Variants in CNTNAP5 observed in about 807,000 individuals in gnomAD.
CNTNAP5 encodes contactin associated protein family member 5.
CNTNAP5 carries 72 observed loss-of-function variants against 150.2 expected under a neutral mutation model. The ratio of observed to expected loss-of-function variants is 0.48; its 90% CI spans 0.40 to 0.58. The LOEUF is 0.58. Ranked by LOEUF, CNTNAP5 falls within the 20% of genes least tolerant of loss-of-function variation. The pLI is 0.00. For synonymous variants in CNTNAP5, 672 were observed against 619.8 expected, an observed-to-expected ratio of 1.08 and a Z score of -1.25; for missense variants, 1,636 against 1,626.2, an observed-to-expected ratio of 1.01 and a Z score of -0.10.
intron 11 of CNTNAP5, among the ~76,000 whole-genome samples, chr2:124,599,166 C>T (rs188846313): frequency 6.6e-6 from 1 of 152,302 alleles, no homozygotes; most frequent in African/African-American, 2.4e-5. Context: ...CTTGGCTCCT[C>T]CCACCTTCAA....
intron 1 of CNTNAP5, among the ~76,000 whole-genome samples, chr2:124,201,918 C>G (rs1392533557): frequency 6.6e-6 from 1 of 152,152 alleles, no homozygotes; most frequent in Admixed American, 6.5e-5. Context: ...GGACTCTGTT[C>G]ATTAGCCTCA....
intron 3 of CNTNAP5, among the ~76,000 whole-genome samples, chr2:124,401,950 T>C (rs1691436383): frequency 6.6e-6 from 1 of 152,140 alleles, no homozygotes; most frequent in African/African-American, 2.4e-5. Flanking sequence ...CCTGCAACCT[T>C]CACGGGTTTA....
At chr2:124,832,139 C>A (rs1379820456) in intron 19 of CNTNAP5, among the ~76,000 whole-genome samples, 1 of 152,052 alleles carries the variant, frequency 6.6e-6, no homozygotes, top group Non-Finnish European at 1.5e-5. Flanking sequence ...AAATATAGAA[C>A]TGTCTCTTCA....
At chr2:124,113,056 T>A (rs1461749528) in intron 1 of CNTNAP5, among the ~76,000 whole-genome samples, 1 of 152,156 alleles carries the variant, frequency 6.6e-6, no homozygotes, top group East Asian at 1.9e-4. Context: ...TGAATGTAAG[T>A]ATATCCAGAT....
At chr2:124,717,710 A>G (rs1003161761) in intron 13 of CNTNAP5, among the ~76,000 whole-genome samples, 1 of 152,186 alleles carries the variant, frequency 6.6e-6, no homozygotes, top group African/African-American at 2.4e-5. Context: ...GAAATCTGAC[A>G]TAAATGGTGT....
chr2:124,702,769 G>A (rs937690208), intron 13 of CNTNAP5, among the ~76,000 whole-genome samples: 4 of 152,110 alleles, frequency 2.6e-5, no homozygotes, highest in Non-Finnish European at 5.9e-5. Flanking sequence ...CTGAATTTAA[G>A]ATGATTGTCA....
chr2:124,844,965 T>A (rs1321659027), intron 19 of CNTNAP5, among the ~76,000 whole-genome samples: 1 of 152,100 alleles, frequency 6.6e-6, no homozygotes, highest in Non-Finnish European at 1.5e-5. Flanking sequence ...TGGATGCCCT[T>A]TATTTCTTTC....
At chr2:124,140,013 A>G (rs868411536) in intron 1 of CNTNAP5, among the ~76,000 whole-genome samples, 240 of 152,240 alleles carry the variant, frequency 1.6e-3, no homozygotes, top group African/African-American at 5.5e-3. Flanking sequence ...TTTCCGAGTC[A>G]AAGAAAGGGG....
chr2:124,904,709 C>T (rs541682405), intron 22 of CNTNAP5, among the ~76,000 whole-genome samples: 56 of 152,004 alleles, frequency 3.7e-4, no homozygotes, highest in African/African-American at 1.2e-3. Flanking sequence ...TTATCTTATA[C>T]CATATAAAAA....
chr2:124,267,489 C>T (rs1687639580), intron 3 of CNTNAP5, among the ~76,000 whole-genome samples: 1 of 152,092 alleles, frequency 6.6e-6, no homozygotes, highest in South Asian at 2.1e-4. Context: ...TTGCACGTCT[C>T]CCTGTATGTC....
At chr2:124,081,167 G>C (rs1003293396) in intron 1 of CNTNAP5, among the ~76,000 whole-genome samples, 1 of 151,474 alleles carries the variant, frequency 6.6e-6, no homozygotes, top group Admixed American at 6.6e-5. Context: ...TAGATGTACT[G>C]GTTTTTTTTT....
intron 10 of CNTNAP5, among the ~76,000 whole-genome samples, chr2:124,559,681 T>C (rs1432026045): frequency 6.6e-6 from 1 of 152,190 alleles, no homozygotes; most frequent in African/African-American, 2.4e-5. Flanking sequence ...GTTAATGTCT[T>C]CGATGCTCAG....
intron 1 of CNTNAP5, among the ~76,000 whole-genome samples, chr2:124,119,687 C>A (rs963672748): frequency 6.6e-5 from 10 of 152,078 alleles, no homozygotes; most frequent in African/African-American, 2.2e-4. Context: ...GAGGGATGAT[C>A]ATTTGAAGCC....
At chr2:124,206,270 CTA>C (rs1243722517) in intron 1 of CNTNAP5, among the ~76,000 whole-genome samples, 1 of 152,140 alleles carries the variant, frequency 6.6e-6, no homozygotes, top group Non-Finnish European at 1.5e-5. Flanking sequence ...ACACCTAACC[CTA>C]TGAGTTAATT....
At chr2:124,220,987 A>G (rs1273450240) in intron 1 of CNTNAP5, among the ~76,000 whole-genome samples, 2 of 152,114 alleles carry the variant, frequency 1.3e-5, no homozygotes. Flanking sequence ...CCTTCTCAAG[A>G]CAAGCATCTT....
chr2:124,837,166 C>A (rs1682846661), intron 19 of CNTNAP5, among the ~76,000 whole-genome samples: 1 of 149,826 alleles, frequency 6.7e-6, no homozygotes. Flanking sequence ...TAGGATTTTC[C>A]AGAGTATGAC....
At chr2:124,666,664 A>G (rs1678708252) in intron 13 of CNTNAP5, among the ~76,000 whole-genome samples, 1 of 152,138 alleles carries the variant, frequency 6.6e-6, no homozygotes, top group Non-Finnish European at 1.5e-5. Context: ...TTTTGTTTAC[A>G]GTATAAAATG....
chr2:124,323,257 A>T (rs1417201629), intron 3 of CNTNAP5, among the ~76,000 whole-genome samples: 2 of 152,196 alleles, frequency 1.3e-5, no homozygotes, highest in Non-Finnish European at 2.9e-5. Context: ...CTTACAAAAC[A>T]GAGATCTCAG....
chr2:124,706,934 AAGAAGAAGGAGG>A (rs1319708494), intron 13 of CNTNAP5, among the ~76,000 whole-genome samples: 2 of 106,878 alleles, frequency 1.9e-5, no homozygotes, highest in African/African-American at 6.7e-5. Context: ...GAAGAAGAAG[AAGAAGAAGGAGG>A]AGGAGGAGGA....
Sources: gnomAD v4.1 joint callset for allele counts (sites outside exome capture counted in the v4.1 genomes callset) on GRCh38, gnomAD v4.1.1 for gene constraint, MANE v1.5 for transcripts, NCBI Gene and HGNC (gene_info 2026-07-23, HGNC 2026-07-21) for gene names.